Variants in BDP1 observed in about 807,000 individuals in gnomAD.
BDP1 encodes transcription factor TFIIIB component B'' homolog.
In BDP1, 169 loss-of-function variants were observed where a neutral mutation model predicts 266.6. The ratio of observed to expected loss-of-function variants is 0.63; its 90% confidence interval spans 0.56 to 0.72. The LOEUF (loss-of-function observed/expected upper bound fraction) is 0.72, where lower values mean the gene tolerates loss of function less well. BDP1 is among the 30% of genes least tolerant of loss of function. BDP1 has a pLI of 0.00. For missense variants in BDP1, 3,015 were observed against 3,053.8 expected (o/e 0.99, Z 0.30); for synonymous variants, 1,090 against 1,022.4 (o/e 1.07, Z -1.26).
At chr5:71,542,490 TTCTCTCTCTGTC>T (rs1055924113) in intron 30 of BDP1, among the ~76,000 whole-genome samples, 1 of 152,190 alleles carries the variant, frequency 6.6e-6, no homozygotes, top group Non-Finnish European at 1.5e-5. Flanking sequence ...TGTCCTTTTA[TTCTCTCTCTGTC>T]TCTCTCTTTC....
At position 71,486,546 on chromosome 5, in the gene BDP1, G is replaced by C; in HGVS notation, c.1132G>C (p.Glu378Gln). Residue 378 changes from glutamate (E) to glutamine (Q), a missense_variant, in exon 9 of 39, where the codon GAA becomes CAA. By Grantham distance (29) the Glu-to-Gln change is conservative. Transcript: ENST00000358731. ...TTTGCTTCAGAAAGTTCTTGCTGAA[G>C]AAGAGAAAAGAAAACAAAAATCTGT... ...AHLLQKVLAE[E>Q]EKRKQKSVKN... 6.5e-7 allele frequency: 1 copy of C among 1,538,794 alleles called. No homozygotes were observed. The highest frequency in any genetic ancestry group is 1.3e-5 in the South Asian group (1 of 77,284).
Position 71,515,014 on chromosome 5 carries a change from T to C in BDP1, c.4541T>C (p.Leu1514Ser). 1 of 1,613,192 alleles carries C rather than the reference T, an allele frequency of 6.2e-7. No homozygotes were observed. Among genetic ancestry groups the C allele is most frequent in the Non-Finnish European group, 8.5e-7 (1 of 1,179,574 alleles). ...CACAGGAATGAGGAGGCTGTGATAT[T>C]GCCATGTACACAGACTGAAAGGAAC... is the stretch of plus-strand genomic sequence containing the variant. ...LGHRNEEAVI[L>S]PCTQTERNLS... Residue 1514 changes from leucine to serine, a missense_variant, in exon 20 of 39, where the codon TTG (leucine) becomes TCG (serine). Physicochemically the swap from Leu to Ser is moderately radical, Grantham distance 145 (BLOSUM62 -2). This residue lies in a region of BDP1 where 2,383 missense variants were observed against 2,404.9 expected (regional missense o/e 0.99). Coordinates refer to ENST00000358731, the MANE Select transcript of BDP1 (RefSeq NM_018429.3).
At chr5:71,463,851 TCTTTA>T (rs1238207867) in intron 3 of BDP1, among the ~76,000 whole-genome samples, 8 of 151,598 alleles carry the variant, frequency 5.3e-5, no homozygotes, top group Admixed American at 5.3e-4. Context: ...AAAAAAGTAT[TCTTTA>T]CTTAGGACCT....
rs554659765 is a variant in BDP1 at position 71,517,396 on chromosome 5, A to G, written c.4935A>G (p.Gln1645=). The change falls in exon 22 of 39, where the codon CAA becomes CAG. Residue 1645 remains glutamine, a synonymous_variant. Coordinates refer to ENST00000358731, the MANE Select transcript of BDP1 (RefSeq NM_018429.3). ...CAGAACACAGAATGTATGAAAATCA[A>G]AGTCAGGTGGTTCTTGTAGAAAACC... ...AVPEHRMYEN[Q]SQVVLVENLH... is the part of the protein sequence containing the mutation. The G allele has an allele frequency of 4.1e-5, 66 of 1,606,540 alleles. No homozygotes were observed. The East Asian group carries it at 1.3e-3, about 33-fold the overall frequency.
intron 8 of BDP1, 95 bp downstream of exon 8, chr5:71,483,991 T>C: frequency 9.4e-7 from 1 of 1,064,952 alleles, no homozygotes; most frequent in South Asian, 1.5e-5. Flanking sequence ...TAGATTTGTT[T>C]TGTTCCTGTA....
chr5:71,549,168 G>A (rs1327845999), intron 33 of BDP1, among the ~76,000 whole-genome samples: 1 of 152,188 alleles, frequency 6.6e-6, no homozygotes, highest in Non-Finnish European at 1.5e-5. Context: ...AACCCAGGAG[G>A]CGGAGGTTGC....
Position 71,510,386 on chromosome 5 carries a change from AT to A in BDP1, c.3295del (p.Ser1099ProfsTer7). On this transcript the variant is annotated frameshift_variant, in exon 17 of 39. Coordinates refer to ENST00000358731, the MANE Select transcript of BDP1 (RefSeq NM_018429.3). LOFTEE classifies it high-confidence loss of function. ...ATTTGGAAGAAACTGAAAGAGAAATATCCCCACAGGAAAATGGCCTAGAGGA... is the reference window on the plus strand; with the variant it reads ...ATTTGGAAGAAACTGAAAGAGAAATACCCCACAGGAAAATGGCCTAGAGGA... Reference protein sequence around the residue: ...IDLEETEREISPQENGLEEVK... With the variant: ...IDLEETEREIXPQENGLEEVK... 1.2e-6 allele frequency: 2 copies of A among 1,614,160 alleles called. No homozygotes were observed. The highest frequency in any genetic ancestry group is 1.7e-6 in the Non-Finnish European group (2 of 1,180,022).
At chr5:71,520,051 C>T (rs1244945783) in intron 22 of BDP1, among the ~76,000 whole-genome samples, 3 of 152,114 alleles carry the variant, frequency 2.0e-5, no homozygotes, top group East Asian at 1.9e-4. Context: ...TTTGCGTTTC[C>T]GTGATGATTA....
intron 6 of BDP1, among the ~76,000 whole-genome samples, chr5:71,468,313 C>G (rs1396386158): frequency 6.6e-6 from 1 of 151,954 alleles, no homozygotes; most frequent in Non-Finnish European, 1.5e-5. Context: ...GCCACCGCAC[C>G]TGGCCTGTGT....
intron 16 of BDP1, among the ~76,000 whole-genome samples, chr5:71,508,485 T>G (rs1764708720): frequency 6.6e-6 from 1 of 151,414 alleles, no homozygotes; most frequent in Non-Finnish European, 1.5e-5. Flanking sequence ...TTTTTTTTTT[T>G]GTAGAGATGG....
intron 21 of BDP1, 64 bp downstream of exon 21, chr5:71,516,335 C>G (rs1476868298): frequency 3.3e-6 from 4 of 1,219,316 alleles, no homozygotes; most frequent in Middle Eastern, 2.4e-4. Flanking sequence ...AGTTATAGCT[C>G]AGACATAGCT....
At chr5:71,468,393 G>C (rs1314891875) in intron 6 of BDP1, among the ~76,000 whole-genome samples, 1 of 151,798 alleles carries the variant, frequency 6.6e-6, no homozygotes, top group East Asian at 1.9e-4. Flanking sequence ...AGGCTCAAGC[G>C]ATCCTTTGCC....
At chr5:71,562,590 CAT>C in intron 38 of BDP1, 70 bp downstream of exon 38, 1 of 1,536,832 alleles carries the variant, frequency 6.5e-7, no homozygotes. Context: ...CTAGGGAAAA[CAT>C]AGTAATTTGT....
intron 11 of BDP1, among the ~76,000 whole-genome samples, chr5:71,492,036 T>G (rs1433219660): frequency 1.3e-5 from 2 of 152,234 alleles, no homozygotes; most frequent in Non-Finnish European, 1.5e-5. Context: ...TTTTTCTTTC[T>G]GTGACTGGCT....
chr5:71,547,722 G>A (rs1248347771), intron 32 of BDP1, among the ~76,000 whole-genome samples: 3 of 152,134 alleles, frequency 2.0e-5, no homozygotes, highest in African/African-American at 7.2e-5. Flanking sequence ...GGCTGAGGCG[G>A]GTGGATCATG....
chr5:71,510,916 T>A lies in BDP1; in HGVS notation c.3824T>A (p.Val1275Asp), dbSNP rs781114149. The A allele has an allele frequency of 1.2e-6, 2 of 1,613,812 alleles. No homozygotes were observed. Among genetic ancestry groups the A allele is most frequent in the East Asian group, 4.5e-5 (2 of 44,864 alleles). The part of the protein sequence containing the change: ...MEKVSGKMAV[V>D]EEMEADLKET... Reference sequence around the variant, plus strand: ...AAAGTATCAGGAAAGATGGCTGTTGTTGAAGAAATGGAGGCAGATTTGAAA... The same window carrying A: ...AAAGTATCAGGAAAGATGGCTGTTGATGAAGAAATGGAGGCAGATTTGAAA... The change falls in exon 17 of 39, where the codon GTT becomes GAT. Residue 1275 changes from valine to aspartate, a missense_variant. Coordinates refer to ENST00000358731, the MANE Select transcript of BDP1 (RefSeq NM_018429.3).
Position 71,465,302 on chromosome 5 carries a change from T to C in BDP1, c.660-794T>C, listed in dbSNP as rs1477013561. 3.3e-5 allele frequency among the ~76,000 whole-genome samples: 5 copies of C among 151,974 alleles called. No individual in the cohort carries two copies. The South Asian group carries it at 8.3e-4, about 25-fold the overall frequency. The stretch of plus-strand genomic sequence containing the variant: ...TTATTATTATTATTATTTTTACAGA[T>C]AGGGTCTTGCACTGTCACCTAGGCT... On this transcript the variant is annotated intron_variant, in intron 4 of 38. Coordinates refer to ENST00000358731, the MANE Select transcript of BDP1 (RefSeq NM_018429.3).
In BDP1 at chr5:71,492,263, G is replaced by A. The variant is rs79606670; in HGVS notation, c.1640+1132G>A. Among the ~76,000 whole-genome samples, 530 of 152,282 alleles carry A rather than the reference G, an allele frequency of 3.5e-3. 4 individuals are homozygous for A. The highest frequency in any genetic ancestry group is 0.012 in the African/African-American group (507 of 41,546). On this transcript the variant is annotated intron_variant, in intron 11 of 38. Transcript: ENST00000358731. Reference sequence around the variant, plus strand: ...TTCTTGTGGATAAATACCCAGAAGTGGGGTTGCTAGATCATATGGTAGTTC... The same window carrying A: ...TTCTTGTGGATAAATACCCAGAAGTAGGGTTGCTAGATCATATGGTAGTTC...
intron 23 of BDP1, 129 bp downstream of exon 23, chr5:71,522,619 T>G: frequency 8.5e-7 from 1 of 1,171,286 alleles, no homozygotes; most frequent in Non-Finnish European, 1.2e-6. Context: ...AAAAGTGACT[T>G]TCTAGTGTTG....
Sources: gnomAD v4.1 joint callset for allele counts (sites outside exome capture counted in the v4.1 genomes callset) on GRCh38, gnomAD v4.1.1 for gene constraint, gnomAD v4.1.1 regional missense constraint, MANE v1.5 for transcripts, NCBI Gene and HGNC (gene_info 2026-07-23, HGNC 2026-07-21) for gene names.